The following FRY variants were observed in gnomAD, a reference collection of about 807,000 sequenced individuals.
FRY encodes the protein FRY microtubule binding protein, also known as protein furry homolog.
A neutral mutation model predicts 348.4 loss-of-function variants in FRY; 128 were observed. The ratio of observed to expected loss-of-function variants is 0.37; its 90% CI spans 0.32 to 0.43. FRY has a LOEUF of 0.43. Among genes scored for constraint, FRY ranks in the 20% least tolerant of loss-of-function variants. The pLI is 1.00. For missense variants in FRY, 2,736 were observed against 3,695.2 expected (o/e 0.74, Z 6.73); for synonymous variants, 1,370 against 1,374.7 (o/e 1.00, Z 0.08).
intron 58 of FRY, among the ~76,000 whole-genome samples, chr13:32,283,382 G>A (rs955208450): frequency 4.6e-5 from 7 of 152,130 alleles, no homozygotes; most frequent in African/African-American, 1.7e-4. Flanking sequence ...ATGATGTTTG[G>A]CCTATTGCTT....
At chr13:32,190,357 A>G (rs181274658) in intron 28 of FRY, among the ~76,000 whole-genome samples, 279 of 152,260 alleles carry the variant, frequency 1.8e-3, no homozygotes, top group African/African-American at 6.4e-3. Context: ...AAAGAATAAT[A>G]AAACATAAAT....
chr13:32,086,290 G>T, intron 2 of FRY, among the ~76,000 whole-genome samples: 1 of 152,148 alleles, frequency 6.6e-6, no homozygotes, highest in South Asian at 2.1e-4. Flanking sequence ...CAAGAAAATT[G>T]GTTTTTTATT....
chr13:32,158,950 T>TAAA (rs1881273228), intron 16 of FRY, among the ~76,000 whole-genome samples: 1 of 24,210 alleles, frequency 4.1e-5, no homozygotes, highest in Non-Finnish European at 7.7e-5. Context: ...AGCTGTTTCC[T>TAAA]CAAAAAAAAA....
At chr13:32,245,116 A>G (rs1886718156) in intron 47 of FRY, among the ~76,000 whole-genome samples, 2 of 151,806 alleles carry the variant, frequency 1.3e-5, no homozygotes, top group Non-Finnish European at 2.9e-5. Context: ...CGCCCGGCTA[A>G]TTTTTGTATT....
chr13:32,063,806 C>T (rs774958928), intron 1 of FRY, among the ~76,000 whole-genome samples: 1 of 152,200 alleles, frequency 6.6e-6, no homozygotes, highest in African/African-American at 2.4e-5. Context: ...TGTTCTACTC[C>T]TGAGCATAAT....
In FRY at chr13:32,173,660, T is replaced by C. The variant is rs1010410816; in HGVS notation, c.2334+111T>C. On this transcript the variant is annotated intron_variant, in intron 19 of 60. Transcript: ENST00000542859. ...ATTTCAGGTACTTTTATGTTACATG[T>C]AGTGTTTCATTCATTGTTAGGTTTT... 2.6e-5 allele frequency: 21 copies of C among 817,540 alleles called. No homozygotes were observed. In the Admixed American group the frequency reaches 3.9e-4, roughly 15 times the overall value. The allele number at this position is 817,540 out of a possible 1,614,324, so 50.6% of individuals were successfully genotyped here.
chr13:32,078,607 A>C (rs931086145), intron 1 of FRY, among the ~76,000 whole-genome samples: 4 of 152,270 alleles, frequency 2.6e-5, no homozygotes, highest in Admixed American at 2.0e-4. Flanking sequence ...TACCTAAAGC[A>C]ATGTAGTGAC....
At chr13:32,150,600 CAGA>C (rs1204408749) in intron 14 of FRY, among the ~76,000 whole-genome samples, 2 of 152,026 alleles carry the variant, frequency 1.3e-5, no homozygotes, top group African/African-American at 4.8e-5. Context: ...CCTCAACTCG[CAGA>C]AGAATTGTGA....
At chr13:32,254,158 C>A (rs1249969071) in intron 50 of FRY, 66 bp from the exon 51 acceptor site, 22 of 1,505,466 alleles carry the variant, frequency 1.5e-5, no homozygotes, top group Non-Finnish European at 2.0e-5. Flanking sequence ...GAGCCAATTA[C>A]AATTTTTCGT....
intron 34 of FRY, 51 bp from the exon 35 acceptor site, chr13:32,212,241 C>T: frequency 1.0e-6 from 1 of 997,026 alleles, no homozygotes; most frequent in Non-Finnish European, 1.6e-6. Flanking sequence ...TGAGCTTGAC[C>T]CCTCAGCTTG....
chr13:32,090,650 A>G (rs191147797), intron 2 of FRY, among the ~76,000 whole-genome samples: 1 of 152,262 alleles, frequency 6.6e-6, no homozygotes, highest in Admixed American at 6.5e-5. Flanking sequence ...CAAAATAGAA[A>G]GTTACCCAGA....
chr13:32,270,564 G>T (rs948055820), intron 55 of FRY, among the ~76,000 whole-genome samples: 1 of 152,162 alleles, frequency 6.6e-6, no homozygotes, highest in Non-Finnish European at 1.5e-5. Context: ...GGCTGTTATG[G>T]TCATTTTTAT....
rs1360810995 is a variant in FRY at position 32,117,363 on chromosome 13, G to A, written c.354G>A (p.Glu118=). The A allele has an allele frequency of 1.9e-6, 3 of 1,613,980 alleles. No homozygotes were observed. The highest frequency in any genetic ancestry group is 2.5e-6 in the Non-Finnish European group (3 of 1,179,888). ...QVISSMSSLS[E]YCLPSILRTL... Reference sequence around the variant, plus strand: ...TCAGCTCAATGAGCTCCCTTTCTGAGTACTGCCTGCCTTCCATTCTACGTA... The same window carrying A: ...TCAGCTCAATGAGCTCCCTTTCTGAATACTGCCTGCCTTCCATTCTACGTA... Residue 118 remains glutamate, a synonymous_variant, in exon 4 of 61, where the codon GAG becomes GAA. Transcript: ENST00000542859.
intron 48 of FRY, 29 bp from the exon 49 acceptor site, chr13:32,249,497 G>A (rs187366829): frequency 3.1e-6 from 5 of 1,612,802 alleles, no homozygotes; most frequent in South Asian, 1.1e-5. Flanking sequence ...CATTGAGACA[G>A]AATAATGTGC....
intron 59 of FRY, 103 bp downstream of exon 59, chr13:32,289,846 C>A: frequency 1.4e-6 from 1 of 726,872 alleles, no homozygotes; most frequent in Non-Finnish European, 2.6e-6. Flanking sequence ...ATTTTATTCC[C>A]GCATAATTAT....
chr13:32,102,104 A>G lies in FRY; in HGVS notation c.324+88A>G, dbSNP rs1877201782. On this transcript the variant is annotated intron_variant, in intron 3 of 60. Coordinates refer to ENST00000542859, the MANE Select transcript of FRY (RefSeq NM_023037.3). ...CTGCATGCTCACTATTGTTGTATGG[A>G]TGAACATCCTCAAAAAGTATATGGG... 3.7e-6 allele frequency: 3 copies of G among 803,734 alleles called. No homozygotes were observed. The African/African-American group carries it at 5.0e-5, about 14-fold the overall frequency. The allele number at this position is 803,734 out of a possible 1,614,324, so 49.8% of individuals were successfully genotyped here.
At chr13:32,054,896 T>G (rs574775804) in intron 1 of FRY, among the ~76,000 whole-genome samples, 134 of 151,970 alleles carry the variant, frequency 8.8e-4, no homozygotes, top group African/African-American at 2.4e-3. Flanking sequence ...AATAAATAAA[T>G]AAAGAAAATA....
Position 32,261,724 on chromosome 13 carries a change from C to T in FRY, c.7525C>T (p.Pro2509Ser), listed in dbSNP as rs1887657835. 1 of 1,614,086 alleles carries T rather than the reference C, an allele frequency of 6.2e-7. No individual in the cohort carries two copies. The highest frequency in any genetic ancestry group is 8.5e-7 in the Non-Finnish European group (1 of 1,179,988). ...LEERQLSGST[P>S]SLNKMHHEDS... is the part of the protein sequence containing the mutation. ...GGAGCGCCAACTGTCAGGAAGCACT[C>T]CTAGCCTGAATAAAATGCACCATGA... Residue 2509 changes from proline to serine, a missense_variant, in exon 52 of 61, where the codon CCT (proline) becomes TCT (serine). Around this residue, in one of 9 missense-constraint regions of FRY, gnomAD observed 789 missense variants for 996.2 expected, o/e 0.79. Transcript: ENST00000542859.
intron 11 of FRY, among the ~76,000 whole-genome samples, chr13:32,145,315 A>C (rs1001936688): frequency 4.6e-5 from 7 of 152,178 alleles, no homozygotes; most frequent in Non-Finnish European, 1.0e-4. Flanking sequence ...GGAGACTGTT[A>C]GGAGGGTACT....
Sources: gnomAD v4.1 joint callset for allele counts (sites outside exome capture counted in the v4.1 genomes callset) on GRCh38, gnomAD v4.1.1 for gene constraint, gnomAD v4.1.1 regional missense constraint, MANE v1.5 for transcripts, NCBI Gene and HGNC (gene_info 2026-07-23, HGNC 2026-07-21) for gene names.